ADGB: variants seen among roughly 807,000 people sequenced by gnomAD.
ADGB encodes the protein calpain-7-like protein.
In ADGB, 172 loss-of-function variants were observed where a neutral mutation model predicts 210.5. The observed-to-expected ratio is 0.82, with a 90% CI of 0.72 to 0.93. The LOEUF (loss-of-function observed/expected upper bound fraction) is 0.93, where lower values mean the gene tolerates loss of function less well. Among genes scored for constraint, ADGB ranks in the 40% least tolerant of loss-of-function variants. The pLI is 0.00. For missense variants in ADGB, 2,025 were observed against 1,964.8 expected, an observed-to-expected ratio of 1.03 and a Z score of -0.58; for synonymous variants, 658 against 662.7, an observed-to-expected ratio of 0.99 and a Z score of 0.11.
At chr6:146,738,156 T>C (rs890757365) in intron 23 of ADGB, among the ~76,000 whole-genome samples, 1 of 152,226 alleles carries the variant, frequency 6.6e-6, no homozygotes, top group African/African-American at 2.4e-5. Flanking sequence ...TAGGGATATC[T>C]ACTGTATAGT....
intron 24 of ADGB, among the ~76,000 whole-genome samples, 176 bp from the exon 25 acceptor site, chr6:146,740,940 GTT>G (rs1302046200): frequency 1.3e-5 from 2 of 152,040 alleles, no homozygotes; most frequent in East Asian, 3.8e-4. Context: ...TTTTAATAGA[GTT>G]TGCGTTTACT....
At chr6:146,624,477 A>G (rs1436297948) in intron 1 of ADGB, among the ~76,000 whole-genome samples, 2 of 151,910 alleles carry the variant, frequency 1.3e-5, no homozygotes, top group East Asian at 3.9e-4. Context: ...TTCTTGATCA[A>G]TCTGATGAAA....
At chr6:146,742,250 TATATA>T (rs1562289556) in intron 25 of ADGB, among the ~76,000 whole-genome samples, 1 of 152,068 alleles carries the variant, frequency 6.6e-6, no homozygotes, top group Non-Finnish European at 1.5e-5. Context: ...ATTATATACA[TATATA>T]ATCTGTTTTC....
intron 6 of ADGB, 55 bp from the exon 7 acceptor site, chr6:146,666,761 T>C (rs1010332966): frequency 9.4e-7 from 1 of 1,063,738 alleles, no homozygotes; most frequent in South Asian, 1.5e-5. Context: ...TTCTTATATA[T>C]CTTTATGTGT....
chr6:146,738,860 G>A (rs1008908426), intron 23 of ADGB, among the ~76,000 whole-genome samples: 2 of 152,182 alleles, frequency 1.3e-5, no homozygotes, highest in Non-Finnish European at 2.9e-5. Flanking sequence ...GCCTATCATA[G>A]GAAAATCTGT....
intron 1 of ADGB, among the ~76,000 whole-genome samples, chr6:146,626,887 A>G (rs1780980421): frequency 6.6e-6 from 1 of 151,890 alleles, no homozygotes; most frequent in Non-Finnish European, 1.5e-5. Context: ...CAACAATTAC[A>G]TTTATATTTG....
chr6:146,771,559 CT>C (rs1432344939), intron 29 of ADGB, among the ~76,000 whole-genome samples: 1 of 152,160 alleles, frequency 6.6e-6, no homozygotes, highest in Non-Finnish European at 1.5e-5. Flanking sequence ...GCCCCCGCCC[CT>C]GGCCCCTGGC....
intron 3 of ADGB, among the ~76,000 whole-genome samples, chr6:146,652,256 C>T (rs1048246627): frequency 1.3e-5 from 2 of 152,172 alleles, no homozygotes; most frequent in African/African-American, 4.8e-5. Flanking sequence ...GTATCTAATA[C>T]TTATTAATGT....
At chr6:146,667,497 C>A (rs1239668398) in intron 7 of ADGB, among the ~76,000 whole-genome samples, 1 of 151,968 alleles carries the variant, frequency 6.6e-6, no homozygotes, top group African/African-American at 2.4e-5. Flanking sequence ...AACAGAGTTT[C>A]TGTGTATCTG....
At chr6:146,801,317 G>T in intron 34 of ADGB, 38 bp downstream of exon 34, 1 of 1,206,982 alleles carries the variant, frequency 8.3e-7, no homozygotes, top group Non-Finnish European at 1.1e-6. Context: ...AGACAACTGT[G>T]TGTTTTGTTA....
In ADGB at chr6:146,782,188, C is replaced by T. The variant is rs1443131439; in HGVS notation, c.4031C>T (p.Pro1344Leu). ...GAAAAACAAGCACCTCGCTTTGAGC[C>T]TCAGGTGGGTGTGGAATTTTTTTTA... Reference protein sequence around the residue: ...AKEKQAPRFEPQISTVHPQQE... With the variant: ...AKEKQAPRFELQISTVHPQQE... The change falls in exon 30 of 36, where the codon CCT (proline) becomes CTT (leucine). Residue 1344 changes from proline (P) to leucine (L), a missense_variant. Pro to Leu is a moderately conservative substitution (Grantham distance 98, BLOSUM62 -3). Coordinates refer to ENST00000397944, the MANE Select transcript of ADGB (RefSeq NM_024694.4). 3.9e-6 allele frequency: 6 copies of T among 1,522,348 alleles called. No homozygotes were observed. The Middle Eastern group carries it at 5.1e-4, about 130-fold the overall frequency. The allele number at this position is 1,522,348 out of a possible 1,614,324, so 94.3% of individuals were successfully genotyped here.
intron 35 of ADGB, among the ~76,000 whole-genome samples, chr6:146,814,540 T>A (rs561725643): frequency 1.3e-5 from 2 of 152,252 alleles, no homozygotes; most frequent in South Asian, 4.2e-4. Flanking sequence ...CCTGGATGAG[T>A]AGTTTTGCTA....
intron 17 of ADGB, among the ~76,000 whole-genome samples, chr6:146,721,924 C>T (rs1385675318): frequency 3.3e-5 from 5 of 151,920 alleles, no homozygotes; most frequent in Non-Finnish European, 7.4e-5. Flanking sequence ...TCCAGAGTCC[C>T]ACAGGACCAC....
chr6:146,746,669 C>G (rs553938620), intron 26 of ADGB, among the ~76,000 whole-genome samples: 1 of 152,252 alleles, frequency 6.6e-6, no homozygotes, highest in South Asian at 2.1e-4. Context: ...CATACTCATC[C>G]TTTACTTCCA....
intron 3 of ADGB, among the ~76,000 whole-genome samples, chr6:146,647,088 C>CAAAAAAAAAAAAAAAAAAAAAAAAAA (rs780260770): frequency 9.0e-6 from 1 of 110,802 alleles, no homozygotes; most frequent in Non-Finnish European, 1.9e-5. Flanking sequence ...GAGCCTGTCT[C>CAAAAAAAAAAAAAAAAAAAAAAAAAA]AAAAAAAAAC....
chr6:146,779,325 T>G (rs540539019), intron 29 of ADGB, among the ~76,000 whole-genome samples: 4 of 152,162 alleles, frequency 2.6e-5, no homozygotes, highest in Non-Finnish European at 4.4e-5. Context: ...CAGAGACTTG[T>G]GGGACACCAT....
chr6:146,795,620 C>A (rs879462405), intron 33 of ADGB, among the ~76,000 whole-genome samples: 3 of 152,132 alleles, frequency 2.0e-5, no homozygotes, highest in Admixed American at 6.5e-5. Context: ...TCACACCAGC[C>A]AGAATGGCTA....
At chr6:146,659,315 A>G (rs1330388765) in intron 5 of ADGB, among the ~76,000 whole-genome samples, 1 of 152,210 alleles carries the variant, frequency 6.6e-6, no homozygotes, top group Non-Finnish European at 1.5e-5. Context: ...AATACACTAC[A>G]GATTCATCTT....
chr6:146,747,499 C>A (rs1413920475), intron 26 of ADGB, among the ~76,000 whole-genome samples: 2 of 152,012 alleles, frequency 1.3e-5, no homozygotes, highest in East Asian at 3.9e-4. Context: ...AGTGAAAGTT[C>A]ATAAATTAAA....
Sources: gnomAD v4.1 joint callset for allele counts (sites outside exome capture counted in the v4.1 genomes callset) on GRCh38, gnomAD v4.1.1 for gene constraint, MANE v1.5 for transcripts, NCBI Gene and HGNC (gene_info 2026-07-23, HGNC 2026-07-21) for gene names.